ITPR2: variants seen among roughly 807,000 people sequenced by gnomAD.
ITPR2 encodes inositol 1,4,5-trisphosphate receptor type 2, also known as inositol 1,4,5-trisphosphate-gated calcium channel ITPR2.
In ITPR2, 207 loss-of-function variants were observed where a neutral mutation model predicts 317.1. The observed-to-expected ratio is 0.65, with a 90% confidence interval of 0.58 to 0.73. The LOEUF is 0.73. Ranked by LOEUF, ITPR2 falls within the 30% of genes least tolerant of loss-of-function variation. The pLI is 0.00. For missense variants in ITPR2, 2,613 were observed against 3,284.0 expected (o/e 0.80, Z 4.99); for synonymous variants, 1,156 against 1,149.1 (o/e 1.01, Z -0.12).
chr12:26,420,383 A>G (rs1257056397), intron 49 of ITPR2, among the ~76,000 whole-genome samples: 1 of 152,202 alleles, frequency 6.6e-6, no homozygotes, highest in Non-Finnish European at 1.5e-5. Flanking sequence ...ATATATTAAC[A>G]AATTATCGAA....
chr12:26,356,042 C>A (rs1359075259), intron 55 of ITPR2, among the ~76,000 whole-genome samples: 2 of 152,160 alleles, frequency 1.3e-5, no homozygotes, highest in African/African-American at 4.8e-5. Context: ...TGAGTACAGA[C>A]CAATATGTTA....
intron 26 of ITPR2, among the ~76,000 whole-genome samples, chr12:26,614,182 C>T (rs1429210467): frequency 6.6e-6 from 1 of 151,862 alleles, no homozygotes; most frequent in African/African-American, 2.4e-5. Flanking sequence ...TCCCAGAGAC[C>T]CCACCCTCCA....
Position 26,556,295 on chromosome 12 carries a change from A to T in ITPR2, c.4902T>A (p.Ser1634Arg), listed in dbSNP as rs1203609986. 3.1e-6 allele frequency: 5 copies of T among 1,614,082 alleles called. No individual in the cohort carries two copies. Among genetic ancestry groups the T allele is most frequent in the Middle Eastern group, 1.7e-4 (1 of 6,060 alleles). ...EFSVLVDVLY[S>R]PELLFPEGSD... ...TTCCCTCAGGGAACAGCAGTTCTGG[A>T]CTGTACAATACATCAACCAACACTG... The change falls in exon 36 of 57, where the codon AGT becomes AGA. Residue 1634 changes from serine to arginine, a missense_variant. Physicochemically the swap from Ser to Arg is moderately radical, Grantham distance 110. Around this residue, in one of 9 missense-constraint regions of ITPR2, gnomAD observed 926 missense variants for 1,072.8 expected, o/e 0.86. Coordinates refer to ENST00000381340, the MANE Select transcript of ITPR2 (RefSeq NM_002223.4).
intron 52 of ITPR2, 49 bp from the exon 53 acceptor site, chr12:26,400,307 T>C (rs756222236): frequency 5.5e-6 from 6 of 1,098,826 alleles, no homozygotes; most frequent in Non-Finnish European, 6.1e-6. Flanking sequence ...TAAAAATATA[T>C]AAAATAAAAT....
chr12:26,655,679 AC>A, intron 20 of ITPR2, 28 bp downstream of exon 20: 1 of 1,596,018 alleles, frequency 6.3e-7, no homozygotes, highest in Non-Finnish European at 8.6e-7. Flanking sequence ...AGTTACCAAA[AC>A]ATCCTAAATA....
At chr12:26,766,337 T>G (rs991129339) in intron 2 of ITPR2, among the ~76,000 whole-genome samples, 3 of 152,110 alleles carry the variant, frequency 2.0e-5, no homozygotes, top group Admixed American at 2.0e-4. Flanking sequence ...TCAAGTGATA[T>G]CTCATTGTGG....
chr12:26,436,191 T>G (rs757374368), intron 48 of ITPR2, 30 bp downstream of exon 48: 4 of 1,508,636 alleles, frequency 2.7e-6, no homozygotes, highest in Non-Finnish European at 3.5e-6. Flanking sequence ...CTTTAAAATA[T>G]TTATATTTTA....
chr12:26,586,151 C>T lies in ITPR2; in HGVS notation c.4381-5996G>A, dbSNP rs555914529. Among the ~76,000 whole-genome samples, 11 of 151,934 alleles carry T rather than the reference C, an allele frequency of 7.2e-5. No homozygotes were observed. The South Asian group carries it at 2.3e-3, about 32-fold the overall frequency. On this transcript the variant is annotated intron_variant, in intron 32 of 56. Coordinates refer to ENST00000381340, the MANE Select transcript of ITPR2 (RefSeq NM_002223.4). Reference sequence around the variant, plus strand: ...TAAATTTTGATGTGTTTTATTTATTCATTTATTTTCAGAGACAGGGTCTTG... The same window carrying T: ...TAAATTTTGATGTGTTTTATTTATTTATTTATTTTCAGAGACAGGGTCTTG...
intron 55 of ITPR2, among the ~76,000 whole-genome samples, chr12:26,365,164 T>C (rs1938966161): frequency 6.6e-6 from 1 of 152,178 alleles, no homozygotes; most frequent in Non-Finnish European, 1.5e-5. Context: ...CTGGAAACTC[T>C]AGGCAAGTCA....
rs1452026882 is a variant in ITPR2 at position 26,494,185 on chromosome 12, C to T, written c.5338G>A (p.Ala1780Thr). ...TGTGTATTTCCTCCTTCAAGCAAGG[C>T]AATGCCGAGGAAAATGCCTTCTGAA... The part of the protein sequence containing the change: ...IFSEGIFLGI[A>T]LLEGGNTQTQ... Residue 1780 changes from alanine to threonine, a missense_variant, in exon 39 of 57, where the codon GCC becomes ACC. Around this residue, in one of 9 missense-constraint regions of ITPR2, gnomAD observed 926 missense variants for 1,072.8 expected, o/e 0.86. Transcript: ENST00000381340. 6.2e-7 allele frequency: 1 copy of T among 1,612,916 alleles called. No homozygotes were observed. The highest frequency in any genetic ancestry group is 1.3e-5 in the African/African-American group (1 of 74,810).
intron 1 of ITPR2, among the ~76,000 whole-genome samples, chr12:26,790,723 G>T (rs769925431): frequency 2.6e-5 from 4 of 152,034 alleles, no homozygotes; most frequent in African/African-American, 9.7e-5. Context: ...CGGTGTGTAT[G>T]TATGTTTTAC....
intron 50 of ITPR2, among the ~76,000 whole-genome samples, chr12:26,417,004 T>C (rs1940740793): frequency 6.6e-6 from 1 of 152,206 alleles, no homozygotes; most frequent in African/African-American, 2.4e-5. Context: ...CTGTTGACAT[T>C]GGGCAAGCTG....
intron 34 of ITPR2, among the ~76,000 whole-genome samples, chr12:26,564,363 T>C (rs1159584666): frequency 1.3e-5 from 2 of 152,224 alleles, no homozygotes; most frequent in Non-Finnish European, 2.9e-5. Flanking sequence ...AAGACACATG[T>C]ACATCTCCAA....
intron 2 of ITPR2, among the ~76,000 whole-genome samples, chr12:26,773,662 T>C (rs1165504129): frequency 6.6e-6 from 1 of 152,210 alleles, no homozygotes; most frequent in Non-Finnish European, 1.5e-5. Flanking sequence ...TTCATGAGAC[T>C]TCCAAAACAG....
chr12:26,516,265 A>G lies in ITPR2; in HGVS notation c.5074-21005T>C, dbSNP rs375228951. On this transcript the variant is annotated intron_variant, in intron 37 of 56. Transcript: ENST00000381340. ...AGGAAAGGAAAGGAAAGGAAAGGAA[A>G]GGAAAGGAAGGGAAGGGAAGGGAAA... Among the ~76,000 whole-genome samples, 326 of 34,288 alleles carry G rather than the reference A, an allele frequency of 9.5e-3. 7 individuals are homozygous for G. The highest frequency in any genetic ancestry group is 0.029 in the South Asian group (22 of 764). The allele number at this position is 34,288 out of a possible 152,430, so 22.5% of individuals were successfully genotyped here.
rs906109033 is a variant in ITPR2, at chr12:26,670,697, G to A, written c.1410-4646C>T. ...CACCAGCAATGGAACAAAGCTGGAC[G>A]GATAATGACTTTTACGAGTTGAGAG... On this transcript the variant is annotated intron_variant, in intron 13 of 56. Transcript: ENST00000381340. Among the ~76,000 whole-genome samples, 349 of 152,280 alleles carry A rather than the reference G, an allele frequency of 2.3e-3. 3 individuals are homozygous for A. Among genetic ancestry groups the A allele is most frequent in the Non-Finnish European group, 1.3e-3 (90 of 68,024 alleles).
chr12:26,674,687 C>A (rs1207310682), intron 13 of ITPR2, among the ~76,000 whole-genome samples: 1 of 152,242 alleles, frequency 6.6e-6, no homozygotes, highest in South Asian at 2.1e-4. Flanking sequence ...AAAGCCAAAA[C>A]TGACAAATGG....
At chr12:26,700,572 C>A (rs1236259411) in intron 9 of ITPR2, among the ~76,000 whole-genome samples, 2 of 152,144 alleles carry the variant, frequency 1.3e-5, no homozygotes, top group Admixed American at 1.3e-4. Context: ...GGCTCCAGAG[C>A]CACGTCTTTC....
intron 5 of ITPR2, among the ~76,000 whole-genome samples, chr12:26,719,155 G>T (rs1174216777): frequency 5.3e-5 from 8 of 152,016 alleles, no homozygotes; most frequent in Admixed American, 5.2e-4. Context: ...GAAGTTCCAG[G>T]GAGAAAACAA....
Sources: allele counts gnomAD v4.1 joint callset (sites outside exome capture counted in the v4.1 genomes callset), GRCh38; gene constraint gnomAD v4.1.1; regional missense constraint gnomAD v4.1.1; transcripts MANE v1.5; gene names NCBI Gene and HGNC (gene_info 2026-07-23, HGNC 2026-07-21).